Variants in GTF3C4 observed in about 807,000 individuals in gnomAD.
The protein encoded by GTF3C4 is general transcription factor IIIC subunit 4, also known as general transcription factor 3C polypeptide 4.
In GTF3C4, 28 loss-of-function variants were observed where a neutral mutation model predicts 67.5. That is an observed-to-expected ratio of 0.41 (90% CI 0.31 to 0.57). The LOEUF (loss-of-function observed/expected upper bound fraction) is 0.57, where lower values mean the gene tolerates loss of function less well. Among genes scored for constraint, GTF3C4 ranks in the 20% least tolerant of loss-of-function variants. GTF3C4 has a pLI of 0.21. For missense variants in GTF3C4, 831 were observed against 1,033.2 expected, an observed-to-expected ratio of 0.80 and a Z score of 2.68; for synonymous variants, 409 against 393.0, an observed-to-expected ratio of 1.04 and a Z score of -0.48.
In GTF3C4 at chr9:132,689,129, A is replaced by C. The variant is rs1461980548; in HGVS notation, c.*184A>C. On this transcript the variant is annotated 3_prime_UTR_variant, in exon 5 of 5. Coordinates refer to ENST00000372146, the MANE Select transcript of GTF3C4 (RefSeq NM_012204.4). ...CGCACTCTCCATTTCCAGAGACTAAAGGATGTCCTTTGAAATGGCTGGACT... is the reference window on the plus strand; with the variant it reads ...CGCACTCTCCATTTCCAGAGACTAACGGATGTCCTTTGAAATGGCTGGACT... 1.7e-6 allele frequency: 1 copy of C among 584,218 alleles called. No homozygotes were observed. The highest frequency in any genetic ancestry group is 2.8e-5 in the East Asian group (1 of 35,336). 36.2% of individuals were successfully genotyped at this position (584,218 alleles called of 1,614,324 possible).
In GTF3C4 at chr9:132,679,531, G is replaced by T; in HGVS notation, c.1912G>T (p.Glu638Ter). 6.2e-7 allele frequency: 1 copy of T among 1,614,158 alleles called. No homozygotes were observed. Among genetic ancestry groups the T allele is most frequent in the Non-Finnish European group, 8.5e-7 (1 of 1,180,026 alleles). ...SKQVVKQGLQ[E>*]RSKEGDVEEP... The stretch of plus-strand genomic sequence containing the variant: ...ACAGGTGGTGAAGCAAGGCCTGCAG[G>T]AGAGGAGCAAGGAAGGAGATGTAGA... Residue 638 changes from glutamate (E) to a stop codon, truncating the protein, a stop_gained, in exon 2 of 5, where the codon GAG (glutamate) becomes TAG (stop). Transcript: ENST00000372146. LOFTEE classifies it high-confidence loss of function. This position sits in a 1 kb window ranked among gnomAD's most constrained non-coding sequence, Gnocchi z 5.9.
intron 3 of GTF3C4, among the ~76,000 whole-genome samples, chr9:132,685,042 T>G: frequency 3.1e-5 from 4 of 130,476 alleles, no homozygotes; most frequent in African/African-American, 6.2e-5. Flanking sequence ...TGAGACAGGG[T>G]CTTGCTGTAT....
intron 1 of GTF3C4, among the ~76,000 whole-genome samples, chr9:132,677,380 C>T (rs903596260): frequency 5.9e-5 from 9 of 152,028 alleles, no homozygotes; most frequent in African/African-American, 2.2e-4. Flanking sequence ...CCAGCCCGGG[C>T]GACAGAATGA....
upstream of GTF3C4, chr9:132,670,257 A>C (rs946476149): frequency 2.0e-6 from 3 of 1,522,750 alleles, no homozygotes; most frequent in Admixed American, 4.2e-5. Flanking sequence ...CATCTCACCG[A>C]CGAGCCTCCC....
chr9:132,694,399 T>G lies in GTF3C4; in HGVS notation c.*5454T>G, dbSNP rs942975783. 11 of 152,262 alleles carry G rather than the reference T, an allele frequency of 7.2e-5. No homozygotes were observed. The highest frequency in any genetic ancestry group is 6.5e-4 in the Admixed American group (10 of 15,292). The allele number at this position is 152,262 out of a possible 1,614,324, so 9.4% of individuals were successfully genotyped here. A position where few individuals can be genotyped will look rare whatever the true frequency, so the allele number is the denominator to read the frequency against. ...GTGTTCAACACTACAAAGCTACTCC[T>G]GCCAGAAGAGGGCAGAGTTCTTTCT... On this transcript the variant is annotated 3_prime_UTR_variant, in exon 5 of 5. Transcript: ENST00000372146.
In GTF3C4 at chr9:132,670,953, A is replaced by G; in HGVS notation, c.355A>G (p.Lys119Glu). Residue 119 changes from lysine to glutamate, a missense_variant and splice_region_variant, in exon 1 of 5, where the codon AAA becomes GAA. Physicochemically the swap from Lys to Glu is moderately conservative, Grantham distance 56. This residue lies in a region of GTF3C4 where 237 missense variants were observed against 212.7 expected (regional missense o/e 1.11). Coordinates refer to ENST00000372146, the MANE Select transcript of GTF3C4 (RefSeq NM_012204.4). Reference sequence around the variant, plus strand: ...CGCACCGCTCAACAGCTGTCTCCTCAAAGTAAGTCATCCCCCGCCATCCCT... The same window carrying G: ...CGCACCGCTCAACAGCTGTCTCCTCGAAGTAAGTCATCCCCCGCCATCCCT... ...VPAPLNSCLL[K>E]VGSKTEVAEC... is the part of the protein sequence containing the mutation. 6.2e-7 allele frequency: 1 copy of G among 1,601,570 alleles called. No homozygotes were observed. The highest frequency in any genetic ancestry group is 1.3e-5 in the African/African-American group (1 of 74,584).
chr9:132,681,966 T>TAAAA (rs56402111), intron 2 of GTF3C4, among the ~76,000 whole-genome samples: 8 of 114,742 alleles, frequency 7.0e-5, no homozygotes, highest in East Asian at 2.6e-4. Context: ...CTACATAAAG[T>TAAAA]AAAAAAAAAA....
intron 3 of GTF3C4, among the ~76,000 whole-genome samples, chr9:132,684,991 C>G (rs1028368882): frequency 6.6e-6 from 1 of 151,316 alleles, no homozygotes; most frequent in African/African-American, 2.4e-5. Flanking sequence ...ATGCCTAGTA[C>G]ATGGTGGGCA....
intron 2 of GTF3C4, among the ~76,000 whole-genome samples, chr9:132,680,385 ATAT>A (rs1227045135): frequency 1.3e-5 from 2 of 152,232 alleles, no homozygotes; most frequent in Non-Finnish European, 2.9e-5. Context: ...TTCCCAGTGC[ATAT>A]TACCACTCAA....
rs779456083 is a variant in GTF3C4 at position 132,670,895 on chromosome 9, C to A, written c.297C>A (p.Gly99=). Residue 99 remains glycine (G), a synonymous_variant, in exon 1 of 5, where the codon GGC becomes GGA. Coordinates refer to ENST00000372146, the MANE Select transcript of GTF3C4 (RefSeq NM_012204.4). ...LELICDVHNP[G]QDLVIHRTSV... ...TCATCTGCGACGTGCACAACCCGGG[C>A]CAGGACCTGGTTATCCACCGCACCT... 7 of 1,612,442 alleles carry A rather than the reference C, an allele frequency of 4.3e-6. No individual in the cohort carries two copies. In the East Asian group the frequency reaches 1.6e-4, roughly 36 times the overall value.
chr9:132,673,298 C>T (rs1835815568), intron 1 of GTF3C4, among the ~76,000 whole-genome samples: 1 of 152,122 alleles, frequency 6.6e-6, no homozygotes, highest in Admixed American at 6.5e-5. Context: ...GTCATTTTGC[C>T]TCAGTTAACA....
intron 3 of GTF3C4, 88 bp from the exon 4 acceptor site, chr9:132,687,148 TATG>T: frequency 2.5e-6 from 2 of 792,716 alleles, no homozygotes; most frequent in Non-Finnish European, 2.3e-6. Flanking sequence ...TGTGTGGTTT[TATG>T]ATAACTCTCT....
chr9:132,674,395 T>C (rs1398057811), intron 1 of GTF3C4, among the ~76,000 whole-genome samples: 10 of 152,178 alleles, frequency 6.6e-5, no homozygotes, highest in Admixed American at 4.6e-4. Context: ...TTGAAACATA[T>C]GTCAGAAATT....
At chr9:132,680,784 A>G (rs1835929638) in intron 2 of GTF3C4, among the ~76,000 whole-genome samples, 1 of 152,192 alleles carries the variant, frequency 6.6e-6, no homozygotes, top group African/African-American at 2.4e-5. Context: ...ATTAAGATGC[A>G]CTGTTCATGT....
intron 3 of GTF3C4, among the ~76,000 whole-genome samples, chr9:132,685,562 A>G (rs1486484307): frequency 2.0e-5 from 3 of 149,108 alleles, no homozygotes; most frequent in African/African-American, 7.5e-5. Flanking sequence ...TATGTTGCCC[A>G]TGGCAGACTC....
At chr9:132,670,211 G>C, upstream of GTF3C4, 1 of 1,566,034 alleles carries the variant, frequency 6.4e-7, no homozygotes, top group East Asian at 2.3e-5. Context: ...CGCTGGGGAA[G>C]CTCTCTGAAT....
Position 132,679,372 on chromosome 9 carries a change from T to C in GTF3C4, c.1753T>C (p.Tyr585His). The C allele has an allele frequency of 1.2e-6, 2 of 1,614,214 alleles. No homozygotes were observed. The highest frequency in any genetic ancestry group is 2.2e-5 in the South Asian group (2 of 91,086). The change falls in exon 2 of 5, where the codon TAT (tyrosine) becomes CAT (histidine). Residue 585 changes from tyrosine to histidine, a missense_variant. Physicochemically the swap from Tyr to His is moderately conservative, Grantham distance 83. Coordinates refer to ENST00000372146, the MANE Select transcript of GTF3C4 (RefSeq NM_012204.4). This position sits in a 1 kb window ranked among gnomAD's most constrained non-coding sequence, Gnocchi z 5.9. ...RFKLFLLRIL[Y>H]QSMQKTPSEA... ...TAAGCTTTTCCTCCTGAGGATTTTATATCAGTCAATGCAGAAAACCCCTTC... is the reference window on the plus strand; with the variant it reads ...TAAGCTTTTCCTCCTGAGGATTTTACATCAGTCAATGCAGAAAACCCCTTC...
chr9:132,673,178 G>A (rs1001621149), intron 1 of GTF3C4, among the ~76,000 whole-genome samples: 1 of 151,796 alleles, frequency 6.6e-6, no homozygotes, highest in Non-Finnish European at 1.5e-5. Flanking sequence ...GCCAGACTCC[G>A]TCTCAAAAAA....
At position 132,688,918 on chromosome 9, in the gene GTF3C4, C is replaced by T. The variant is rs530359080; in HGVS notation, c.2442C>T (p.Cys814=). The change falls in exon 5 of 5, where the codon TGC becomes TGT. Residue 814 remains cysteine (C), a synonymous_variant. Coordinates refer to ENST00000372146, the MANE Select transcript of GTF3C4 (RefSeq NM_012204.4). ...TTAAGAGGTTACTGCAAAGCCCCTG[C>T]CCTTTCTGTGATTCTCCTGTCTTCT... The part of the protein sequence containing the change: ...DWIKRLLQSP[C]PFCDSPVF 6.2e-7 allele frequency: 1 copy of T among 1,612,552 alleles called. No homozygotes were observed. The highest frequency in any genetic ancestry group is 8.5e-7 in the Non-Finnish European group (1 of 1,178,578).
Sources: allele counts gnomAD v4.1 joint callset (sites outside exome capture counted in the v4.1 genomes callset), GRCh38; gene constraint gnomAD v4.1.1; regional missense constraint gnomAD v4.1.1; non-coding constraint Gnocchi (gnomAD v3.1); transcripts MANE v1.5; gene names NCBI Gene and HGNC (gene_info 2026-07-23, HGNC 2026-07-21).